PDE7B: variants seen among roughly 807,000 people sequenced by gnomAD.
The protein encoded by PDE7B is 3',5'-cyclic-AMP phosphodiesterase 7B.
A neutral mutation model predicts 56.2 loss-of-function variants in PDE7B; 29 were observed. The ratio of observed to expected loss-of-function variants is 0.52; its 90% confidence interval spans 0.38 to 0.70. PDE7B has a LOEUF of 0.70. PDE7B is among the 30% of genes least tolerant of loss of function. The probability of loss-of-function intolerance (pLI) is 0.00; values close to 1 mark genes in which losing one functional copy is unlikely to be tolerated. For synonymous variants in PDE7B, 197 were observed against 196.9 expected (o/e 1.00, Z 0.00); for missense variants, 490 against 565.0 (o/e 0.87, Z 1.35).
At chr6:136,174,313 G>A (rs982005410) in intron 9 of PDE7B, among the ~76,000 whole-genome samples, 1 of 152,170 alleles carries the variant, frequency 6.6e-6, no homozygotes, top group Non-Finnish European at 1.5e-5. Context: ...GCTAGTCTCA[G>A]CAAAAATAGA....
intron 1 of PDE7B, among the ~76,000 whole-genome samples, chr6:135,935,756 G>A (rs1774409821): frequency 1.3e-5 from 2 of 152,146 alleles, no homozygotes; most frequent in South Asian, 4.1e-4. Context: ...ATTTTCACTT[G>A]CAGCTTATAA....
chr6:135,938,512 G>C (rs1488994562), intron 1 of PDE7B, among the ~76,000 whole-genome samples: 1 of 152,182 alleles, frequency 6.6e-6, no homozygotes, highest in Non-Finnish European at 1.5e-5. Context: ...CTATAACTGG[G>C]TGCACCAGAG....
chr6:136,151,929 G>C (rs978938970), intron 6 of PDE7B, among the ~76,000 whole-genome samples: 1 of 151,328 alleles, frequency 6.6e-6, no homozygotes, highest in East Asian at 1.9e-4. Context: ...GACAGTGCAA[G>C]ACTCTGTCTT....
At chr6:135,898,453 C>T (rs1775940477) in intron 1 of PDE7B, among the ~76,000 whole-genome samples, 1 of 151,840 alleles carries the variant, frequency 6.6e-6, no homozygotes, top group Admixed American at 6.6e-5. Flanking sequence ...TCATGTCCCC[C>T]AGAGACAGAA....
At chr6:135,915,263 G>A (rs764056309) in intron 1 of PDE7B, among the ~76,000 whole-genome samples, 12 of 152,280 alleles carry the variant, frequency 7.9e-5, no homozygotes, top group African/African-American at 1.4e-4. Context: ...GTAGGTCTTC[G>A]TGTGGATGTA....
chr6:136,063,565 T>G (rs1241078960), intron 2 of PDE7B, among the ~76,000 whole-genome samples: 2 of 152,198 alleles, frequency 1.3e-5, no homozygotes, highest in African/African-American at 4.8e-5. Flanking sequence ...TTAATACAAG[T>G]TACTCTTTCC....
chr6:136,169,109 T>C (rs978902870), intron 8 of PDE7B, among the ~76,000 whole-genome samples: 3 of 152,110 alleles, frequency 2.0e-5, no homozygotes, highest in Admixed American at 2.0e-4. Context: ...CTGAGTTTTT[T>C]ATGACCTATG....
intron 1 of PDE7B, among the ~76,000 whole-genome samples, chr6:135,931,884 A>G (rs1774295753): frequency 6.6e-6 from 1 of 152,014 alleles, no homozygotes; most frequent in Non-Finnish European, 1.5e-5. Flanking sequence ...TCTTTGTACA[A>G]TGAGGTGGCG....
intron 2 of PDE7B, among the ~76,000 whole-genome samples, chr6:135,980,553 G>A (rs1775276492): frequency 6.6e-6 from 1 of 152,036 alleles, no homozygotes; most frequent in Non-Finnish European, 1.5e-5. Flanking sequence ...CTGACAAAGG[G>A]CTAATATCCA....
chr6:135,879,585 G>C (rs1342397930), intron 1 of PDE7B, among the ~76,000 whole-genome samples: 1 of 151,982 alleles, frequency 6.6e-6, no homozygotes, highest in Non-Finnish European at 1.5e-5. Flanking sequence ...ACTCGTCTCA[G>C]TAGCATTTGT....
chr6:136,112,116 G>C (rs1392772932), intron 3 of PDE7B, among the ~76,000 whole-genome samples: 1 of 152,060 alleles, frequency 6.6e-6, no homozygotes, highest in Non-Finnish European at 1.5e-5. Context: ...TGAATCACTG[G>C]AGCACGCAAG....
intron 11 of PDE7B, among the ~76,000 whole-genome samples, chr6:136,185,087 T>C (rs1051537019): frequency 6.6e-5 from 10 of 152,162 alleles, no homozygotes; most frequent in East Asian, 1.9e-4. Context: ...TAATATTATA[T>C]GGTGTTCTGG....
At chr6:135,972,299 C>T (rs550064364) in intron 2 of PDE7B, among the ~76,000 whole-genome samples, 2 of 145,326 alleles carry the variant, frequency 1.4e-5, no homozygotes, top group Admixed American at 1.4e-4. Flanking sequence ...AGACATGCAA[C>T]TCATGGGTCA....
chr6:136,134,855 G>A (rs924219485), intron 3 of PDE7B, among the ~76,000 whole-genome samples: 2 of 151,966 alleles, frequency 1.3e-5, no homozygotes, highest in Non-Finnish European at 1.5e-5. Flanking sequence ...GATGCAGCAG[G>A]GGTGCAGACA....
At chr6:136,144,305 ATT>A (rs1162044264) in intron 3 of PDE7B, among the ~76,000 whole-genome samples, 1 of 152,044 alleles carries the variant, frequency 6.6e-6, no homozygotes, top group African/African-American at 2.4e-5. Context: ...TATATGCACC[ATT>A]TGTTATATTT....
At chr6:136,078,283 G>A (rs1777153352) in intron 2 of PDE7B, among the ~76,000 whole-genome samples, 1 of 152,164 alleles carries the variant, frequency 6.6e-6, no homozygotes, top group African/African-American at 2.4e-5. Flanking sequence ...CTCATCTTTG[G>A]ATAGGTATTT....
intron 1 of PDE7B, among the ~76,000 whole-genome samples, chr6:135,916,583 G>T (rs1773953362): frequency 6.6e-6 from 1 of 151,126 alleles, no homozygotes; most frequent in African/African-American, 2.4e-5. Context: ...AGTAGAGATG[G>T]GGTTTCACCA....
chr6:135,969,547 G>C (rs530597829), intron 2 of PDE7B, among the ~76,000 whole-genome samples: 1 of 152,190 alleles, frequency 6.6e-6, no homozygotes, highest in South Asian at 2.1e-4. Context: ...TATTAATGGT[G>C]CTGGGAGAAC....
chr6:136,051,968 T>C (rs1194819811), intron 2 of PDE7B, among the ~76,000 whole-genome samples: 2 of 151,694 alleles, frequency 1.3e-5, no homozygotes, highest in Non-Finnish European at 2.9e-5. Context: ...CAGAGGCACA[T>C]GTATGGGCTG....
Sources: gnomAD v4.1 joint callset for allele counts (sites outside exome capture counted in the v4.1 genomes callset) on GRCh38, gnomAD v4.1.1 for gene constraint, MANE v1.5 for transcripts, NCBI Gene and HGNC (gene_info 2026-07-23, HGNC 2026-07-21) for gene names.